The following XNDC1N variants were observed in gnomAD, a reference collection of about 807,000 sequenced individuals.
The protein encoded by XNDC1N is protein XNDC1N.
the XNDC1N span, among the ~76,000 whole-genome samples, chr11:71,895,120 T>A: frequency 6.6e-5 from 10 of 151,564 alleles, no homozygotes; most frequent in African/African-American, 2.4e-4. Flanking sequence ...GTGGATTTTT[T>A]TTTTTTTTCT....
chr11:71,915,789 A>C, the XNDC1N span, among the ~76,000 whole-genome samples: 1 of 152,254 alleles, frequency 6.6e-6, no homozygotes, highest in Non-Finnish European at 1.5e-5. Context: ...TATGAATTTA[A>C]GTTTGGATCC....
At chr11:71,925,769 A>G in the XNDC1N span, among the ~76,000 whole-genome samples, 1 of 151,690 alleles carries the variant, frequency 6.6e-6, no homozygotes, top group Non-Finnish European at 1.5e-5. Flanking sequence ...AGTCCCAACT[A>G]CTCGGGAGGC....
the XNDC1N span, among the ~76,000 whole-genome samples, chr11:71,901,826 T>C: frequency 4.9e-3 from 750 of 152,170 alleles, 9 homozygotes; most frequent in East Asian, 0.073. Flanking sequence ...ATTAAGCTGA[T>C]CGTGGGTGCC....
the XNDC1N span, chr11:71,918,940 T>G: frequency 1.4e-6 from 1 of 702,978 alleles, no homozygotes; most frequent in Non-Finnish European, 2.6e-6. Flanking sequence ...CTACTTTCAA[T>G]TGCCCACTCT....
the XNDC1N span, among the ~76,000 whole-genome samples, chr11:71,927,166 T>C: frequency 6.6e-6 from 1 of 151,880 alleles, no homozygotes; most frequent in Non-Finnish European, 1.5e-5. Context: ...GAGAATTGCT[T>C]GAGCCTGGGA....
At chr11:71,910,124 T>G in the XNDC1N span, among the ~76,000 whole-genome samples, 4 of 152,166 alleles carry the variant, frequency 2.6e-5, no homozygotes, top group African/African-American at 9.7e-5. Flanking sequence ...TAAGAACTTT[T>G]GGAATTATTG....
chr11:71,916,226 C>A, the XNDC1N span: 1 of 702,640 alleles, frequency 1.4e-6, no homozygotes, highest in South Asian at 1.5e-5. Context: ...TCCCATAACT[C>A]TCCTGAGGCT....
chr11:71,910,695 C>A, the XNDC1N span, among the ~76,000 whole-genome samples: 2 of 152,180 alleles, frequency 1.3e-5, no homozygotes, highest in Non-Finnish European at 2.9e-5. Flanking sequence ...TACTATCCAA[C>A]AGGGGTCGGA....
chr11:71,878,483 C>T, the XNDC1N span: 1 of 1,611,656 alleles, frequency 6.2e-7, no homozygotes, highest in Non-Finnish European at 8.5e-7. Flanking sequence ...CTTTGGAGTC[C>T]TTTCCTTGAT....
the XNDC1N span, among the ~76,000 whole-genome samples, chr11:71,918,546 T>C: frequency 6.6e-6 from 1 of 152,116 alleles, no homozygotes; most frequent in African/African-American, 2.4e-5. Flanking sequence ...CCTCCCAAAG[T>C]GTTGGGATTA....
At chr11:71,906,910 G>T in the XNDC1N span, among the ~76,000 whole-genome samples, 2 of 151,994 alleles carry the variant, frequency 1.3e-5, no homozygotes, top group Non-Finnish European at 1.5e-5. Flanking sequence ...ATCTTATAAG[G>T]GTAATAAGAG....
the XNDC1N span, among the ~76,000 whole-genome samples, chr11:71,891,743 C>A: frequency 6.6e-6 from 1 of 151,928 alleles, no homozygotes; most frequent in East Asian, 1.9e-4. Context: ...GGTGTACAAC[C>A]CCTGCGATAT....
At chr11:71,912,190 C>T in the XNDC1N span, among the ~76,000 whole-genome samples, 2 of 152,180 alleles carry the variant, frequency 1.3e-5, no homozygotes, top group Non-Finnish European at 1.5e-5. Flanking sequence ...AAGGTCCAGC[C>T]GTTCCGCCCG....
At chr11:71,873,791 C>A in the XNDC1N span, among the ~76,000 whole-genome samples, 1 of 152,144 alleles carries the variant, frequency 6.6e-6, no homozygotes, top group East Asian at 1.9e-4. Flanking sequence ...GCCATGTAAA[C>A]AGACTGGATT....
At chr11:71,871,094 C>G in the XNDC1N span, among the ~76,000 whole-genome samples, 1 of 152,140 alleles carries the variant, frequency 6.6e-6, no homozygotes, top group Non-Finnish European at 1.5e-5. Flanking sequence ...TTCATTGCAG[C>G]ACTTTTTGCA....
At chr11:71,889,641 T>G in the XNDC1N span, among the ~76,000 whole-genome samples, 4 of 152,290 alleles carry the variant, frequency 2.6e-5, no homozygotes, top group African/African-American at 9.6e-5. Context: ...TAGGCCGGTA[T>G]TTCTACATCT....
the XNDC1N span, among the ~76,000 whole-genome samples, chr11:71,921,334 G>C: frequency 6.6e-6 from 1 of 152,052 alleles, no homozygotes; most frequent in African/African-American, 2.4e-5. Context: ...TGTAGAGATG[G>C]GGCTTCACCA....
chr11:71,872,553 C>G, the XNDC1N span, among the ~76,000 whole-genome samples: 4 of 6,650 alleles, frequency 6.0e-4, no homozygotes, highest in Admixed American at 4.4e-3. Context: ...GAAACCCCAT[C>G]TCTACTAAAA....
chr11:71,865,795 G>C, the XNDC1N span: 47,039 of 414,274 alleles, frequency 0.11, 6,163 homozygotes, highest in African/African-American at 0.44. Context: ...CTGTGGGGAT[G>C]TTTCCTTTAT....
Sources: allele counts gnomAD v4.1 joint callset (sites outside exome capture counted in the v4.1 genomes callset), GRCh38; gene constraint gnomAD v4.1.1; transcripts MANE v1.5; gene names NCBI Gene and HGNC (gene_info 2026-07-23, HGNC 2026-07-21).